Variants in CDCA2 observed in about 807,000 individuals in gnomAD.
CDCA2 encodes the protein cell division cycle-associated protein 2.
CDCA2 carries 44 observed loss-of-function variants against 67.0 expected under a neutral mutation model. That is an observed-to-expected ratio of 0.66 (90% CI 0.52 to 0.84). CDCA2 has a LOEUF of 0.84. Ranked by LOEUF, CDCA2 falls within the 40% of genes least tolerant of loss-of-function variation. The pLI, the probability that CDCA2 is intolerant of heterozygous loss-of-function variation, is 0.00. For missense variants in CDCA2, 1,253 were observed against 1,203.2 expected (o/e 1.04, Z -0.61); for synonymous variants, 447 against 418.7 (o/e 1.07, Z -0.82).
At chr8:25,503,144 C>T (rs866977267) in intron 13 of CDCA2, among the ~76,000 whole-genome samples, 4 of 151,928 alleles carry the variant, frequency 2.6e-5, no homozygotes, top group South Asian at 2.1e-4. Flanking sequence ...AAAAGCCAGT[C>T]GTGGTGGTAT....
chr8:25,462,978 G>T (rs1802760280), intron 4 of CDCA2, among the ~76,000 whole-genome samples: 1 of 152,158 alleles, frequency 6.6e-6, no homozygotes, highest in Non-Finnish European at 1.5e-5. Flanking sequence ...CCAAACGAGG[G>T]TATTTTTAGA....
rs1393633443 is a variant in CDCA2 at position 25,507,586 on chromosome 8, A to G, written c.2920A>G (p.Arg974Gly). 3 of 1,614,092 alleles carry G rather than the reference A, an allele frequency of 1.9e-6. No homozygotes were observed. Among genetic ancestry groups the G allele is most frequent in the Non-Finnish European group, 2.5e-6 (3 of 1,180,048 alleles). The change falls in exon 15 of 15, where the codon AGG becomes GGG. Residue 974 changes from arginine to glycine, a missense_variant. Coordinates refer to ENST00000330560, the MANE Select transcript of CDCA2 (RefSeq NM_152562.4). ...AAGSSDEPGK[R>G]RKSFCISTLA... is the part of the protein sequence containing the mutation. ...TGGTTCTTCCGATGAACCTGGTAAG[A>G]GGAGGAAGAGCTTTTGTATATCTAC...
chr8:25,498,451 G>GCGCC (rs1416959712), intron 13 of CDCA2, among the ~76,000 whole-genome samples: 1 of 62,030 alleles, frequency 1.6e-5, no homozygotes. Flanking sequence ...CAGGTAATCT[G>GCGCC]CACCCCCCCC....
intron 14 of CDCA2, among the ~76,000 whole-genome samples, chr8:25,504,945 T>C (rs979666413): frequency 6.6e-6 from 1 of 152,228 alleles, no homozygotes; most frequent in African/African-American, 2.4e-5. Context: ...TTAACAGTTT[T>C]TCAAAAGATG....
rs1272935583 is a variant in CDCA2, at chr8:25,488,652, C to T, written c.1634C>T (p.Thr545Ile). The T allele has an allele frequency of 3.7e-6, 6 of 1,611,866 alleles. No individual in the cohort carries two copies. The African/African-American group carries it at 8.0e-5, about 22-fold the overall frequency. Residue 545 changes from threonine (T) to isoleucine (I), a missense_variant, in exon 13 of 15, where the codon ACA becomes ATA. By Grantham distance (89) the Thr-to-Ile change is moderately conservative. Transcript: ENST00000330560. ...ATTAATAGGAGGAAGTCTCAAGAAACAAAGTGTACAAAGAGAGCACTTCCT... is the reference window on the plus strand; with the variant it reads ...ATTAATAGGAGGAAGTCTCAAGAAATAAAGTGTACAAAGAGAGCACTTCCT... Reference protein sequence around the residue: ...KKINRRKSQETKCTKRALPKK... With the variant: ...KKINRRKSQEIKCTKRALPKK...
At chr8:25,467,397 C>T (rs909960337) in intron 5 of CDCA2, among the ~76,000 whole-genome samples, 1 of 152,072 alleles carries the variant, frequency 6.6e-6, no homozygotes, top group Admixed American at 6.6e-5. Context: ...TCAGATGTAC[C>T]GATTTATATT....
At chr8:25,463,509 A>G (rs994772105) in intron 4 of CDCA2, among the ~76,000 whole-genome samples, 1 of 152,304 alleles carries the variant, frequency 6.6e-6, no homozygotes, top group East Asian at 1.9e-4. Context: ...CCTACAATAC[A>G]TAATACTTGA....
chr8:25,497,914 A>G (rs1392876684), intron 13 of CDCA2, among the ~76,000 whole-genome samples: 2 of 152,196 alleles, frequency 1.3e-5, no homozygotes, highest in Non-Finnish European at 2.9e-5. Flanking sequence ...TAGGACATGG[A>G]GGAACATAGA....
At chr8:25,482,625 T>TG (rs1240128553) in intron 8 of CDCA2, among the ~76,000 whole-genome samples, 1 of 152,202 alleles carries the variant, frequency 6.6e-6, no homozygotes, top group Non-Finnish European at 1.5e-5. Flanking sequence ...TCCCAGCACT[T>TG]TGGGAGGCCG....
rs767211325 is a variant in CDCA2 at position 25,487,275 on chromosome 8, C to A, written c.1474C>A (p.His492Asn). The A allele has an allele frequency of 1.8e-5, 29 of 1,611,352 alleles. No homozygotes were observed. In the South Asian group the frequency reaches 2.5e-4, roughly 14 times the overall value. ...GTDTFSSSNNHEKISSPKVGR... is the reference protein window; with the variant it reads ...GTDTFSSSNNNEKISSPKVGR... The stretch of plus-strand genomic sequence containing the variant: ...TGATACCTTTAGTTCTTCAAATAAC[C>A]ATGAGAAAATATCCTCTCCTAAAGT... Residue 492 changes from histidine to asparagine, a missense_variant, in exon 12 of 15, where the codon CAT becomes AAT. Transcript: ENST00000330560.
At chr8:25,458,973 C>G (rs919056666), upstream of CDCA2, 1 of 152,334 alleles carries the variant, frequency 6.6e-6, no homozygotes, top group Admixed American at 6.5e-5. Context: ...AGAAGCGTTA[C>G]TCCGCGAGAC....
intron 8 of CDCA2, among the ~76,000 whole-genome samples, chr8:25,481,141 C>A (rs1173405304): frequency 6.7e-6 from 1 of 149,792 alleles, no homozygotes; most frequent in Non-Finnish European, 1.5e-5. Flanking sequence ...GATTTGGGGC[C>A]AGGTACAATA....
At chr8:25,502,606 A>G (rs1446472375) in intron 13 of CDCA2, among the ~76,000 whole-genome samples, 11 of 151,858 alleles carry the variant, frequency 7.2e-5, no homozygotes, top group Non-Finnish European at 1.5e-5. Flanking sequence ...CATATTTTAC[A>G]TACACACCTC....
chr8:25,498,456 C>A (rs1391980422), intron 13 of CDCA2, among the ~76,000 whole-genome samples: 2 of 115,900 alleles, frequency 1.7e-5, no homozygotes, highest in African/African-American at 5.9e-5. Context: ...AATCTGCACC[C>A]CCCCCCCGCC....
intron 4 of CDCA2, among the ~76,000 whole-genome samples, chr8:25,464,498 G>A (rs1255424174): frequency 1.3e-5 from 2 of 152,164 alleles, no homozygotes; most frequent in East Asian, 1.9e-4. Context: ...TTGACTGACC[G>A]ACACAATTCC....
intron 13 of CDCA2, among the ~76,000 whole-genome samples, chr8:25,498,329 T>A (rs1017668036): frequency 6.6e-6 from 1 of 151,956 alleles, no homozygotes; most frequent in African/African-American, 2.4e-5. Flanking sequence ...TGCCTCAGCC[T>A]CCCCAGTAGC....
chr8:25,461,462 C>T (rs1802685076), intron 3 of CDCA2, among the ~76,000 whole-genome samples: 1 of 152,126 alleles, frequency 6.6e-6, no homozygotes, highest in Admixed American at 6.5e-5. Context: ...TCACAGGGCA[C>T]TAGACCAGGT....
At chr8:25,482,004 G>C (rs1395410114) in intron 8 of CDCA2, among the ~76,000 whole-genome samples, 1 of 152,166 alleles carries the variant, frequency 6.6e-6, no homozygotes, top group Non-Finnish European at 1.5e-5. Flanking sequence ...TTGATAACAA[G>C]GACTGGTCAG....
At chr8:25,493,392 C>A (rs560650665) in intron 13 of CDCA2, among the ~76,000 whole-genome samples, 1 of 152,138 alleles carries the variant, frequency 6.6e-6, no homozygotes, top group African/African-American at 2.4e-5. Context: ...GACTCAAAAA[C>A]CAGAAACAGT....
Sources: gnomAD v4.1 joint callset for allele counts (sites outside exome capture counted in the v4.1 genomes callset) on GRCh38, gnomAD v4.1.1 for gene constraint, MANE v1.5 for transcripts, NCBI Gene and HGNC (gene_info 2026-07-23, HGNC 2026-07-21) for gene names.